The following ARAP2 variants were observed in gnomAD, a reference collection of about 807,000 sequenced individuals.
The protein encoded by ARAP2 is ArfGAP with RhoGAP domain, ankyrin repeat and PH domain 2.
ARAP2 carries 148 observed loss-of-function variants against 194.5 expected under a neutral mutation model. The observed-to-expected ratio is 0.76, with a 90% confidence interval of 0.67 to 0.87. The LOEUF (loss-of-function observed/expected upper bound fraction) is 0.87. ARAP2 is among the 40% of genes least tolerant of loss of function. The pLI is 0.00. For synonymous variants in ARAP2, 695 were observed against 683.5 expected (o/e 1.02, Z -0.26); for missense variants, 2,128 against 1,989.7 (o/e 1.07, Z -1.32).
rs761446471 is a variant in ARAP2, at chr4:36,164,979, C to T, written c.2108G>A (p.Cys703Tyr). The change falls in exon 11 of 33, where the codon TGT becomes TAT. Residue 703 changes from cysteine to tyrosine, a missense_variant. Transcript: ENST00000303965. The part of the protein sequence containing the change: ...FNESNRSCAD[C>Y]KAPDPDWASI... ...TGCCCAGTCAGGATCTGGGGCTTTA[C>T]AATCTGCACAGCTCCTGTTGGATTC... is the stretch of plus-strand genomic sequence containing the variant. 5 of 1,614,130 alleles carry T rather than the reference C, an allele frequency of 3.1e-6. No individual in the cohort carries two copies. The highest frequency in any genetic ancestry group is 4.2e-6 in the Non-Finnish European group (5 of 1,179,962).
chr4:36,159,638 A>G (rs537091440), intron 13 of ARAP2, 133 bp from the exon 14 acceptor site: 10 of 810,674 alleles, frequency 1.2e-5, no homozygotes, highest in African/African-American at 1.8e-5. Flanking sequence ...GCTAATAATA[A>G]TTATGCCATG....
At chr4:36,043,878 A>C (rs1577642093) in intron 5 of ARAP2, among the ~76,000 whole-genome samples, 1 of 115,818 alleles carries the variant, frequency 8.6e-6, no homozygotes, top group Non-Finnish European at 1.9e-5. Flanking sequence ...GGGAAGGGAA[A>C]AAGGGAAAGG....
Position 36,147,732 on chromosome 4 carries a change from TA to T in ARAP2, c.3014del (p.Leu1005TyrfsTer6), listed in dbSNP as rs1336490775. 1 of 1,606,384 alleles carries T rather than the reference TA, an allele frequency of 6.2e-7. No individual in the cohort carries two copies. Among genetic ancestry groups the T allele is most frequent in the Admixed American group, 1.7e-5 (1 of 58,260 alleles). On this transcript the variant is annotated frameshift_variant, in exon 18 of 33. Coordinates refer to ENST00000303965, the MANE Select transcript of ARAP2 (RefSeq NM_015230.4). LOFTEE classifies it high-confidence loss of function. Reference sequence around the variant, plus strand: ...CAGCTTCTGTTAAGTTTTCAGCAAATAAGGGAACAAAATGCTGTTAAAACAA... The same window carrying T: ...CAGCTTCTGTTAAGTTTTCAGCAAATAGGGAACAAAATGCTGTTAAAACAA... Reference protein sequence around the residue: ...TEAIAKHFVPLFAENLTEADY... With the variant: ...TEAIAKHFVPXFAENLTEADY...
At chr4:36,156,516 G>A (rs1437417934) in intron 15 of ARAP2, among the ~76,000 whole-genome samples, 1 of 151,080 alleles carries the variant, frequency 6.6e-6, no homozygotes, top group Non-Finnish European at 1.5e-5. Context: ...GAGGGAGGAA[G>A]GAAGGAAGGA....
intron 28 of ARAP2, among the ~76,000 whole-genome samples, chr4:36,089,969 CATT>C (rs1284432986): frequency 4.0e-5 from 6 of 151,824 alleles, no homozygotes; most frequent in African/African-American, 1.5e-4. Context: ...ATTATTATTA[CATT>C]ATATTTATAA....
chr4:36,196,158 C>A (rs1265365538), intron 6 of ARAP2, among the ~76,000 whole-genome samples: 1 of 152,192 alleles, frequency 6.6e-6, no homozygotes, highest in Admixed American at 6.5e-5. Flanking sequence ...AAAAGGTTTA[C>A]AACCTATTTT....
chr4:36,172,757 A>G (rs1736933579), intron 9 of ARAP2, among the ~76,000 whole-genome samples: 1 of 152,206 alleles, frequency 6.6e-6, no homozygotes, highest in Non-Finnish European at 1.5e-5. Flanking sequence ...CATGCCAGGA[A>G]TTTAAGAACT....
intron 6 of ARAP2, among the ~76,000 whole-genome samples, chr4:36,201,505 A>T (rs1744355838): frequency 6.6e-6 from 1 of 152,102 alleles, no homozygotes; most frequent in South Asian, 2.1e-4. Flanking sequence ...TCTGAAGGGA[A>T]ACATTTATTT....
chr4:36,224,058 T>A (rs1056947239), intron 2 of ARAP2, among the ~76,000 whole-genome samples: 16 of 151,856 alleles, frequency 1.1e-4, no homozygotes, highest in African/African-American at 2.2e-4. Flanking sequence ...GTTTTTTTTT[T>A]AATATTTTTA....
chr4:36,184,057 AAGTT>A (rs1739923727), intron 8 of ARAP2, among the ~76,000 whole-genome samples: 2 of 152,206 alleles, frequency 1.3e-5, no homozygotes, highest in Admixed American at 1.3e-4. Flanking sequence ...CAAGTTTATT[AAGTT>A]AAAGTCCTTA....
chr4:36,089,596 T>C (rs985718638), intron 28 of ARAP2, among the ~76,000 whole-genome samples: 2 of 152,130 alleles, frequency 1.3e-5, no homozygotes, highest in African/African-American at 2.4e-5. Context: ...TTTTTTAACA[T>C]TGGGTGTTAT....
chr4:36,147,866 GGT>G (rs1375147297), intron 17 of ARAP2, 120 bp from the exon 18 acceptor site: 3 of 852,692 alleles, frequency 3.5e-6, no homozygotes, highest in Non-Finnish European at 5.3e-6. Flanking sequence ...AAGATTCAAA[GGT>G]AACACCAAAT....
chr4:36,091,819 G>C (rs1713737029), intron 28 of ARAP2, 62 bp downstream of exon 28: 2 of 1,485,942 alleles, frequency 1.3e-6, no homozygotes, highest in Admixed American at 2.0e-5. Flanking sequence ...GCTGACAGTA[G>C]CATAAAATAC....
At chr4:36,021,538 C>T (rs1029490483) in intron 5 of ARAP2, among the ~76,000 whole-genome samples, 2 of 152,124 alleles carry the variant, frequency 1.3e-5, no homozygotes, top group African/African-American at 4.8e-5. Flanking sequence ...CCTGATTTTA[C>T]CATATGACAT....
At chr4:36,215,118 T>TA (rs1458074299) in intron 2 of ARAP2, among the ~76,000 whole-genome samples, 2 of 152,152 alleles carry the variant, frequency 1.3e-5, no homozygotes, top group Non-Finnish European at 2.9e-5. Context: ...CTTTTCCATC[T>TA]AAAAAATGGA....
chr4:36,240,509 G>GCTAC (rs1454115090), intron 1 of ARAP2, among the ~76,000 whole-genome samples: 1 of 152,202 alleles, frequency 6.6e-6, no homozygotes, highest in Non-Finnish European at 1.5e-5. Flanking sequence ...TCTGCCATGT[G>GCTAC]CTACCTGTGT....
chr4:36,011,212 T>C (rs955392678), intron 9 of ARAP2, among the ~76,000 whole-genome samples: 5 of 152,112 alleles, frequency 3.3e-5, no homozygotes, highest in African/African-American at 1.2e-4. Flanking sequence ...TTAGTTTTGT[T>C]ACTGAAGCAT....
chr4:36,174,606 G>T (rs534037505), intron 9 of ARAP2, among the ~76,000 whole-genome samples: 73 of 152,218 alleles, frequency 4.8e-4, no homozygotes, highest in African/African-American at 1.7e-3. Flanking sequence ...CACCTGGGGT[G>T]CTTTTTTGTG....
chr4:36,038,224 G>A (rs564841321), intron 5 of ARAP2, among the ~76,000 whole-genome samples: 19 of 152,246 alleles, frequency 1.2e-4, no homozygotes, highest in African/African-American at 4.6e-4. Flanking sequence ...TGCTTCCACA[G>A]CTTTGTTGTG....
Sources: allele counts gnomAD v4.1 joint callset (sites outside exome capture counted in the v4.1 genomes callset), GRCh38; gene constraint gnomAD v4.1.1; transcripts MANE v1.5; gene names NCBI Gene and HGNC (gene_info 2026-07-23, HGNC 2026-07-21).